NCKAP5: variants seen among roughly 807,000 people sequenced by gnomAD.
NCKAP5 encodes nck-associated protein 5.
A neutral mutation model predicts 167.0 loss-of-function variants in NCKAP5; 92 were observed. The observed-to-expected ratio is 0.55, with a 90% CI of 0.47 to 0.66. The LOEUF (loss-of-function observed/expected upper bound fraction) is 0.66, where lower values mean the gene tolerates loss of function less well. Among genes scored for constraint, NCKAP5 ranks in the 30% least tolerant of loss-of-function variants. NCKAP5 has a pLI of 0.00. For synonymous variants in NCKAP5, 891 were observed against 877.4 expected, an observed-to-expected ratio of 1.02 and a Z score of -0.27; for missense variants, 2,378 against 2,315.0, an observed-to-expected ratio of 1.03 and a Z score of -0.56.
intron 9 of NCKAP5, among the ~76,000 whole-genome samples, chr2:132,874,543 C>G (rs1691115964): frequency 6.6e-6 from 1 of 152,200 alleles, no homozygotes; most frequent in Non-Finnish European, 1.5e-5. Flanking sequence ...TCTCAGCAAC[C>G]TACTTCCACC....
At chr2:133,637,938 C>A in the NCKAP5 span, among the ~76,000 whole-genome samples, 1 of 152,056 alleles carries the variant, frequency 6.6e-6, no homozygotes, top group Non-Finnish European at 1.5e-5. Context: ...TTACAGGTCA[C>A]CAAAGACAAA....
At chr2:133,184,452 G>C (rs1339016631) in intron 5 of NCKAP5, among the ~76,000 whole-genome samples, 1 of 152,116 alleles carries the variant, frequency 6.6e-6, no homozygotes, top group East Asian at 1.9e-4. Context: ...CTTTTTGGTA[G>C]AACAATTTAT....
intron 6 of NCKAP5, among the ~76,000 whole-genome samples, chr2:133,029,057 C>T (rs1258332326): frequency 6.6e-6 from 1 of 152,100 alleles, no homozygotes; most frequent in Non-Finnish European, 1.5e-5. Context: ...GAACTGTGGG[C>T]CAATTAAACT....
At position 132,785,268 on chromosome 2, in the gene NCKAP5, C is replaced by T. The variant is rs1357419658; in HGVS notation, c.1543G>A (p.Glu515Lys). The T allele has an allele frequency of 6.3e-7, 1 of 1,582,274 alleles. No homozygotes were observed. The highest frequency in any genetic ancestry group is 1.8e-5 in the Admixed American group (1 of 55,818). The change falls in exon 14 of 20, where the codon GAG (glutamate) becomes AAG (lysine). Residue 515 changes from glutamate to lysine, a missense_variant. Transcript: ENST00000409261. ...TCCAGAAAGTGTTTTCTGTTTGTCTCCCAGCCAAACAGACTGTCGGAAACA... is the reference window on the plus strand; with the variant it reads ...TCCAGAAAGTGTTTTCTGTTTGTCTTCCAGCCAAACAGACTGTCGGAAACA... ...HSVSDSLFGW[E>K]TNRKHFLEGT... is the part of the protein sequence containing the mutation.
intron 3 of NCKAP5, among the ~76,000 whole-genome samples, chr2:133,326,766 T>C (rs1390177579): frequency 6.6e-6 from 1 of 152,224 alleles, no homozygotes; most frequent in African/African-American, 2.4e-5. Flanking sequence ...TGACTCATCT[T>C]TGATACCTCT....
At chr2:133,401,249 A>G (rs188785138) in intron 3 of NCKAP5, among the ~76,000 whole-genome samples, 1 of 152,332 alleles carries the variant, frequency 6.6e-6, no homozygotes, top group African/African-American at 2.4e-5. Context: ...AGAGCATAGA[A>G]ACTCCATTCC....
chr2:132,793,168 C>A (rs1055427849), intron 12 of NCKAP5, among the ~76,000 whole-genome samples: 1 of 152,182 alleles, frequency 6.6e-6, no homozygotes, highest in African/African-American at 2.4e-5. Flanking sequence ...TGCCACCACA[C>A]CTGGCTAATT....
intron 5 of NCKAP5, among the ~76,000 whole-genome samples, chr2:133,144,749 A>G (rs1374764764): frequency 6.6e-6 from 1 of 152,088 alleles, no homozygotes; most frequent in Non-Finnish European, 1.5e-5. Flanking sequence ...ATAGAATTAT[A>G]TTTTACCCTT....
At position 133,373,411 on chromosome 2, in the gene NCKAP5, CA is replaced by C. The variant is rs771684654; in HGVS notation, c.70-70302del. 7.2e-5 allele frequency among the ~76,000 whole-genome samples: 11 copies of C among 152,188 alleles called. No homozygotes were observed. The East Asian group carries it at 1.7e-3, about 24-fold the overall frequency. ...AAACTACAACTCTGATGAAAAAAAT[CA>C]AAGAGCTAAATAAACAGAGAGATAT... On this transcript the variant is annotated intron_variant, in intron 3 of 19. Coordinates refer to ENST00000409261, the MANE Select transcript of NCKAP5 (RefSeq NM_207363.3).
At position 132,672,803 on chromosome 2, in the gene NCKAP5, T is replaced by G. The variant is rs562799022; in HGVS notation, c.*486A>C. On this transcript the variant is annotated 3_prime_UTR_variant, in exon 20 of 20. Transcript: ENST00000409261. ...AAAATTAAGGATTCTGTATCATAGA[T>G]GTGTTTACGCTTAATCCTCTTGAAA... 3.9e-6 allele frequency: 1 copy of G among 256,080 alleles called. No homozygotes were observed. The highest frequency in any genetic ancestry group is 6.1e-6 in the Non-Finnish European group (1 of 162,854). The allele number at this position is 256,080 out of a possible 1,614,324, so 15.9% of individuals were successfully genotyped here. A position where few individuals can be genotyped will look rare whatever the true frequency, so the allele number is the denominator to read the frequency against.
chr2:133,350,405 C>T (rs781567206), intron 3 of NCKAP5, among the ~76,000 whole-genome samples: 2 of 151,934 alleles, frequency 1.3e-5, no homozygotes, highest in South Asian at 4.2e-4. Flanking sequence ...AAAGAAAGAC[C>T]CTGTCTCTAA....
intron 19 of NCKAP5, among the ~76,000 whole-genome samples, chr2:132,678,325 T>C (rs1280318053): frequency 6.6e-6 from 1 of 152,178 alleles, no homozygotes; most frequent in Admixed American, 6.5e-5. Context: ...TTATTTCAAA[T>C]ACATTTCCAT....
At chr2:133,194,989 C>A (rs75977976) in intron 5 of NCKAP5, among the ~76,000 whole-genome samples, 1 of 151,868 alleles carries the variant, frequency 6.6e-6, no homozygotes, top group African/African-American at 2.4e-5. Flanking sequence ...AATTACATGT[C>A]GGATGAATCA....
chr2:133,187,606 T>C (rs944326934), intron 5 of NCKAP5, among the ~76,000 whole-genome samples: 14 of 152,032 alleles, frequency 9.2e-5, no homozygotes, highest in Admixed American at 5.3e-4. Flanking sequence ...GATAATTAGA[T>C]AAATCAAAGA....
In NCKAP5 at chr2:132,933,932, C is replaced by T. The variant is rs553657476; in HGVS notation, c.579+29788G>A. 5.7e-4 allele frequency among the ~76,000 whole-genome samples: 87 copies of T among 152,236 alleles called. 2 individuals carry two copies. The highest frequency in any genetic ancestry group is 3.5e-3 in the South Asian group (17 of 4,820). On this transcript the variant is annotated intron_variant, in intron 8 of 19. Coordinates refer to ENST00000409261, the MANE Select transcript of NCKAP5 (RefSeq NM_207363.3). ...ATCCCCGAAGAGCAGGATAAATTGTCGAGAGCATCAGCAGACTGTCTATTC... is the reference window on the plus strand; with the variant it reads ...ATCCCCGAAGAGCAGGATAAATTGTTGAGAGCATCAGCAGACTGTCTATTC...
chr2:132,838,596 C>A, intron 11 of NCKAP5, among the ~76,000 whole-genome samples: 1 of 152,288 alleles, frequency 6.6e-6, no homozygotes, highest in Non-Finnish European at 1.5e-5. Flanking sequence ...TACACCACTG[C>A]ACTCCAGGCT....
intron 4 of NCKAP5, among the ~76,000 whole-genome samples, chr2:133,228,200 G>A (rs2086981499): frequency 6.6e-6 from 1 of 152,120 alleles, no homozygotes; most frequent in Non-Finnish European, 1.5e-5. Flanking sequence ...CTAAGAGAAG[G>A]AAATAATTGT....
chr2:133,429,528 C>T (rs1690025922), intron 3 of NCKAP5, among the ~76,000 whole-genome samples: 1 of 152,000 alleles, frequency 6.6e-6, no homozygotes, highest in Non-Finnish European at 1.5e-5. Flanking sequence ...GTCTGTGTGC[C>T]CCCCAGATTT....
intron 3 of NCKAP5, among the ~76,000 whole-genome samples, chr2:133,437,111 T>G (rs1316794302): frequency 2.0e-5 from 3 of 152,140 alleles, no homozygotes; most frequent in Non-Finnish European, 4.4e-5. Flanking sequence ...CCCAGCACTT[T>G]GGGACGTCGA....
Sources: allele counts gnomAD v4.1 joint callset (sites outside exome capture counted in the v4.1 genomes callset), GRCh38; gene constraint gnomAD v4.1.1; transcripts MANE v1.5; gene names NCBI Gene and HGNC (gene_info 2026-07-23, HGNC 2026-07-21).